HTR3B: variants seen among roughly 807,000 people sequenced by gnomAD.
HTR3B encodes 5-hydroxytryptamine (serotonin) receptor 3B, ionotropic.
A neutral mutation model predicts 42.8 loss-of-function variants in HTR3B; 44 were observed. The ratio of observed to expected loss-of-function variants is 1.03; its 90% CI spans 0.81 to 1.32. HTR3B has a LOEUF of 1.32. Ranked by LOEUF, HTR3B falls within the 40% of genes most tolerant of loss-of-function variation. The probability of loss-of-function intolerance (pLI) is 0.00; values close to 1 mark genes in which losing one functional copy is unlikely to be tolerated. For missense variants in HTR3B, 527 were observed against 536.5 expected (o/e 0.98, Z 0.17); for synonymous variants, 203 against 209.0 (o/e 0.97, Z 0.25).
At chr11:113,910,140 G>T (rs1949774298) in intron 2 of HTR3B, among the ~76,000 whole-genome samples, 1 of 151,968 alleles carries the variant, frequency 6.6e-6, no homozygotes, top group East Asian at 1.9e-4. Context: ...ACTACTTATT[G>T]CTTGAGATTT....
rs1180981168 is a variant in HTR3B, at chr11:113,944,860, T to C, written c.1090+105T>C. The C allele has an allele frequency of 3.0e-6, 3 of 1,011,758 alleles. No individual in the cohort carries two copies. In the African/African-American group the frequency reaches 4.8e-5, roughly 16 times the overall value. The allele number at this position is 1,011,758 out of a possible 1,614,324, so 62.7% of individuals were successfully genotyped here. ...ATTGCGTTGGCCTATGTGAAAAACC[T>C]ACAACAACTGCTTCTTAGCCTGGGT... is the stretch of plus-strand genomic sequence containing the variant. On this transcript the variant is annotated intron_variant, in intron 8 of 8. Transcript: ENST00000260191.
chr11:113,909,283 T>C lies in HTR3B; in HGVS notation c.53-12T>C, dbSNP rs1949759345. 3.1e-6 allele frequency: 5 copies of C among 1,608,292 alleles called. No homozygotes were observed. The South Asian group carries it at 3.3e-5, about 11-fold the overall frequency. On this transcript the variant is annotated splice_polypyrimidine_tract_variant and intron_variant, in intron 1 of 8. Transcript: ENST00000260191. ...CTTACTTTTATCTTCACAATGATAG[T>C]TTATTTTCCAGGAATTCTAGCCACA...
chr11:113,913,563 G>A (rs1949820406), intron 2 of HTR3B, among the ~76,000 whole-genome samples: 1 of 151,690 alleles, frequency 6.6e-6, no homozygotes, highest in African/African-American at 2.4e-5. Flanking sequence ...CACCCAGGCT[G>A]GAGTGCAATG....
chr11:113,925,500 T>C (rs1284840508), intron 2 of HTR3B, among the ~76,000 whole-genome samples: 2 of 144,464 alleles, frequency 1.4e-5, no homozygotes, highest in African/African-American at 5.1e-5. Context: ...CTCTGCTCAC[T>C]GCAACCTCCG....
intron 2 of HTR3B, among the ~76,000 whole-genome samples, chr11:113,924,376 G>C (rs1182800590): frequency 6.6e-6 from 1 of 152,028 alleles, no homozygotes; most frequent in Non-Finnish European, 1.5e-5. Flanking sequence ...AGCACTTTGG[G>C]AGGCCAAGGT....
intron 2 of HTR3B, among the ~76,000 whole-genome samples, chr11:113,927,516 A>G (rs1048969640): frequency 6.6e-6 from 1 of 152,082 alleles, no homozygotes; most frequent in African/African-American, 2.4e-5. Flanking sequence ...ATGTTTTCTT[A>G]TAGAATTGAT....
At chr11:113,935,721 C>T (rs1288124265) in intron 6 of HTR3B, among the ~76,000 whole-genome samples, 1 of 152,184 alleles carries the variant, frequency 6.6e-6, no homozygotes, top group Non-Finnish European at 1.5e-5. Context: ...TTCTATTATG[C>T]CAACACTGGG....
chr11:113,920,784 A>C (rs1949904357), intron 2 of HTR3B, among the ~76,000 whole-genome samples: 1 of 152,206 alleles, frequency 6.6e-6, no homozygotes. Flanking sequence ...AGTCTTAAAC[A>C]GCTTGAATAG....
At chr11:113,922,947 T>A (rs1949931273) in intron 2 of HTR3B, among the ~76,000 whole-genome samples, 1 of 152,258 alleles carries the variant, frequency 6.6e-6, no homozygotes, top group Non-Finnish European at 1.5e-5. Flanking sequence ...ACTTTCTTAC[T>A]CATATTCATA....
chr11:113,908,817 A>T (rs1391606742), intron 1 of HTR3B, among the ~76,000 whole-genome samples: 1 of 152,220 alleles, frequency 6.6e-6, no homozygotes, highest in South Asian at 2.1e-4. Context: ...CTAGAAATCT[A>T]TACAAGTTTT....
At chr11:113,945,797 C>T (rs1270256643) in intron 8 of HTR3B, 105 bp from the exon 9 acceptor site, 3 of 792,650 alleles carry the variant, frequency 3.8e-6, no homozygotes, top group Non-Finnish European at 6.4e-6. Context: ...TGCTCAGTTT[C>T]ACCTGCAACT....
chr11:113,918,269 G>A (rs1037547722), intron 2 of HTR3B, among the ~76,000 whole-genome samples: 3 of 20,290 alleles, frequency 1.5e-4, no homozygotes, highest in Non-Finnish European at 2.2e-4. Flanking sequence ...GTGTGTACTC[G>A]TGTGTGTGTG....
At chr11:113,915,847 T>C (rs1043855093) in intron 2 of HTR3B, among the ~76,000 whole-genome samples, 38 of 132,206 alleles carry the variant, frequency 2.9e-4, no homozygotes, top group Admixed American at 2.5e-3. Flanking sequence ...TCTTTAAATG[T>C]TTTTTTTTTA....
At chr11:113,917,803 C>T (rs1251491113) in intron 2 of HTR3B, among the ~76,000 whole-genome samples, 1 of 152,060 alleles carries the variant, frequency 6.6e-6, no homozygotes, top group East Asian at 1.9e-4. Context: ...CGGGGTTTTG[C>T]CATATTGCCC....
chr11:113,944,701 A>G lies in HTR3B; in HGVS notation c.1036A>G (p.Thr346Ala). Residue 346 changes from threonine to alanine, a missense_variant, in exon 8 of 9, where the codon ACC (threonine) becomes GCC (alanine). Coordinates refer to ENST00000260191, the MANE Select transcript of HTR3B (RefSeq NM_006028.5). ...EQPFLCLRGD[T>A]DADRPRVEPR... ...GCCCTTCTTGTGCCTTCGAGGGGAC[A>G]CCGATGCTGACAGGCCTAGAGTGGA... The G allele has an allele frequency of 6.2e-7, 1 of 1,614,136 alleles. No individual in the cohort carries two copies. The highest frequency in any genetic ancestry group is 8.5e-7 in the Non-Finnish European group (1 of 1,180,024).
Position 113,909,343 on chromosome 11 carries a change from A to G in HTR3B, c.101A>G (p.His34Arg). 6.2e-7 allele frequency: 1 copy of G among 1,613,410 alleles called. No homozygotes were observed. ...CATCCCCAGGATTCTGCTCTGTATC[A>G]TCTCAGCAAGCAGCTATTACAGAAA... ...THHPQDSALY[H>R]LSKQLLQKYH... The change falls in exon 2 of 9, where the codon CAT becomes CGT. Residue 34 changes from histidine (H) to arginine (R), a missense_variant. His to Arg is a conservative substitution (Grantham distance 29). Transcript: ENST00000260191.
intron 6 of HTR3B, among the ~76,000 whole-genome samples, chr11:113,940,016 A>G (rs1260614369): frequency 6.6e-6 from 1 of 151,678 alleles, no homozygotes; most frequent in Non-Finnish European, 1.5e-5. Context: ...CCTCCCGAGT[A>G]GCTGGGACTA....
At chr11:113,918,505 A>G (rs1274184401) in intron 2 of HTR3B, among the ~76,000 whole-genome samples, 1 of 151,934 alleles carries the variant, frequency 6.6e-6, no homozygotes, top group Non-Finnish European at 1.5e-5. Flanking sequence ...GAATCATACA[A>G]TATACTACCT....
At chr11:113,920,200 G>A (rs982394499) in intron 2 of HTR3B, among the ~76,000 whole-genome samples, 3 of 148,780 alleles carry the variant, frequency 2.0e-5, no homozygotes, top group Non-Finnish European at 4.5e-5. Context: ...GGCTAATTTT[G>A]TATTTTTAGT....
Sources: allele counts gnomAD v4.1 joint callset (sites outside exome capture counted in the v4.1 genomes callset), GRCh38; gene constraint gnomAD v4.1.1; transcripts MANE v1.5; gene names NCBI Gene and HGNC (gene_info 2026-07-23, HGNC 2026-07-21).